Variants in BTBD10 observed in about 807,000 individuals in gnomAD.
BTBD10 encodes BTB/POZ domain-containing protein 10.
In BTBD10, 21 loss-of-function variants were observed where a neutral mutation model predicts 53.2. The observed-to-expected ratio is 0.39, with a 90% CI of 0.28 to 0.57. The LOEUF is 0.57. BTBD10 is among the 20% of genes least tolerant of loss of function. BTBD10 has a pLI of 0.53. For missense variants in BTBD10, 360 were observed against 594.7 expected, an observed-to-expected ratio of 0.61 and a Z score of 4.10; for synonymous variants, 149 against 192.7, an observed-to-expected ratio of 0.77 and a Z score of 1.88.
Position 13,463,186 on chromosome 11 carries a change from C to G in BTBD10, c.-152G>C, listed in dbSNP as rs1363267739. 1.4e-5 allele frequency: 2 copies of G among 146,776 alleles called. No individual in the cohort carries two copies. 9.1% of individuals were successfully genotyped at this position (146,776 alleles called of 1,614,324 possible). On this transcript the variant is annotated 5_prime_UTR_variant, in exon 1 of 9. Coordinates refer to ENST00000278174, the MANE Select transcript of BTBD10 (RefSeq NM_032320.7). ...CACTTCCTCCTCAGCCAGATCCCTCCGGAGGTGGCTGTGGAGGAAGCCACT... is the reference window on the plus strand; with the variant it reads ...CACTTCCTCCTCAGCCAGATCCCTCGGGAGGTGGCTGTGGAGGAAGCCACT...
At chr11:13,427,598 A>G (rs1158900513) in intron 2 of BTBD10, among the ~76,000 whole-genome samples, 1 of 152,176 alleles carries the variant, frequency 6.6e-6, no homozygotes, top group East Asian at 1.9e-4. Context: ...GGGATTGATG[A>G]GATTTGAATA....
At chr11:13,407,791 C>A (rs574041789) in intron 6 of BTBD10, among the ~76,000 whole-genome samples, 2 of 152,312 alleles carry the variant, frequency 1.3e-5, no homozygotes, top group African/African-American at 4.8e-5. Context: ...GGAGACAGCA[C>A]ATGACTTTGG....
At chr11:13,426,371 G>A (rs1260377625) in intron 2 of BTBD10, among the ~76,000 whole-genome samples, 3 of 151,860 alleles carry the variant, frequency 2.0e-5, no homozygotes, top group Non-Finnish European at 4.4e-5. Context: ...AGTTAAAAGG[G>A]AGTCCTTCAG....
In BTBD10 at chr11:13,396,508, T is replaced by C. The variant is rs1348331843; in HGVS notation, c.1117+6660A>G. Among the ~76,000 whole-genome samples the C allele has an allele frequency of 4.6e-5, 7 of 152,346 alleles. No individual in the cohort carries two copies. In the East Asian group the frequency reaches 1.2e-3, roughly 25 times the overall value. The stretch of plus-strand genomic sequence containing the variant: ...CAAACAGGGACAATTTGGCTTCCTC[T>C]TTTCCTAACTGAATACCCTTTATTT... On this transcript the variant is annotated intron_variant, in intron 8 of 8. Transcript: ENST00000278174.
chr11:13,460,796 GCA>G (rs1951078261), intron 1 of BTBD10, among the ~76,000 whole-genome samples: 1 of 152,198 alleles, frequency 6.6e-6, no homozygotes, highest in South Asian at 2.1e-4. Flanking sequence ...ATGTGGGATA[GCA>G]CAGCAAACAA....
chr11:13,444,897 C>T (rs1232740712), intron 2 of BTBD10, 127 bp downstream of exon 2: 1 of 543,266 alleles, frequency 1.8e-6, no homozygotes, highest in African/African-American at 1.9e-5. Context: ...GACAGATAAA[C>T]ATTCACAACG....
At chr11:13,438,599 A>C (rs1950587548) in intron 2 of BTBD10, among the ~76,000 whole-genome samples, 1 of 151,996 alleles carries the variant, frequency 6.6e-6, no homozygotes, top group Non-Finnish European at 1.5e-5. Context: ...TAGGTTACAT[A>C]ACAGCACTAC....
intron 2 of BTBD10, among the ~76,000 whole-genome samples, chr11:13,423,036 T>C (rs1950272559): frequency 6.6e-6 from 1 of 152,138 alleles, no homozygotes; most frequent in South Asian, 2.1e-4. Flanking sequence ...AGATAATAAA[T>C]GCTTTAGGAT....
rs1279060627 is a variant in BTBD10, at chr11:13,388,999, T to C, written c.1260A>G (p.Val420=). Residue 420 remains valine, a synonymous_variant, in exon 9 of 9, where the codon GTA becomes GTG. Transcript: ENST00000278174. ...CAAGATTGGTGATAGATTTACTCTT[T>C]ACACACTGAAAGTCTACATGCCGAC... The part of the protein sequence containing the change: ...GKSRHVDFQC[V]KSKSITNLAA... 1 of 1,614,148 alleles carries C rather than the reference T, an allele frequency of 6.2e-7. No homozygotes were observed. The highest frequency in any genetic ancestry group is 1.7e-5 in the Admixed American group (1 of 60,028).
chr11:13,430,451 C>A (rs1182219075), intron 2 of BTBD10, among the ~76,000 whole-genome samples: 1 of 152,126 alleles, frequency 6.6e-6, no homozygotes, highest in Non-Finnish European at 1.5e-5. Context: ...ATTTTAGAAA[C>A]TGTTTCGGAG....
At chr11:13,396,936 G>A (rs571526492) in intron 8 of BTBD10, among the ~76,000 whole-genome samples, 80 of 152,206 alleles carry the variant, frequency 5.3e-4, no homozygotes, top group Non-Finnish European at 9.1e-4. Flanking sequence ...TGCTGGATTC[G>A]GTTTGCCAGA....
rs573154710 is a variant in BTBD10 at position 13,417,349 on chromosome 11, T to C, written c.585-89A>G. 5.6e-6 allele frequency: 5 copies of C among 886,518 alleles called. No individual in the cohort carries two copies. In the East Asian group the frequency reaches 7.8e-5, roughly 14 times the overall value. The allele number at this position is 886,518 out of a possible 1,614,324, so 54.9% of individuals were successfully genotyped here. A position where few individuals can be genotyped will look rare whatever the true frequency, so the allele number is the denominator to read the frequency against. On this transcript the variant is annotated intron_variant, in intron 4 of 8. Transcript: ENST00000278174. Reference sequence around the variant, plus strand: ...TTCATGTACAAAAGAAAAAAGGAATTATATCATTAAATTTAGTTCAAGAAT... The same window carrying C: ...TTCATGTACAAAAGAAAAAAGGAATCATATCATTAAATTTAGTTCAAGAAT...
At chr11:13,411,728 C>T (rs908496247) in intron 6 of BTBD10, among the ~76,000 whole-genome samples, 1 of 152,014 alleles carries the variant, frequency 6.6e-6, no homozygotes, top group Non-Finnish European at 1.5e-5. Flanking sequence ...CTCTGCCAGT[C>T]ACCAAAATTC....
At chr11:13,422,325 C>A (rs35955764) in intron 2 of BTBD10, among the ~76,000 whole-genome samples, 1,917 of 151,810 alleles carry the variant, frequency 0.013, 14 homozygotes, top group Non-Finnish European at 0.019. Flanking sequence ...TTTCAAAACA[C>A]TATGATTTTT....
At chr11:13,458,058 T>C (rs1346551332) in intron 1 of BTBD10, among the ~76,000 whole-genome samples, 1 of 150,074 alleles carries the variant, frequency 6.7e-6, no homozygotes, top group Non-Finnish European at 1.5e-5. Flanking sequence ...TCCCAACTAC[T>C]TGGGAGGCTG....
chr11:13,396,253 AC>A (rs1265177432), intron 8 of BTBD10, among the ~76,000 whole-genome samples: 1 of 152,114 alleles, frequency 6.6e-6, no homozygotes, highest in Non-Finnish European at 1.5e-5. Context: ...GAGGTCCTTC[AC>A]ATCCCTTGTA....
chr11:13,429,112 C>G (rs868100787), intron 2 of BTBD10, among the ~76,000 whole-genome samples: 2 of 152,120 alleles, frequency 1.3e-5, no homozygotes, highest in Middle Eastern at 6.8e-3. Flanking sequence ...ATAAATATGA[C>G]AAAAGATGTG....
intron 8 of BTBD10, among the ~76,000 whole-genome samples, chr11:13,398,798 A>G (rs1315531513): frequency 1.3e-5 from 2 of 152,134 alleles, no homozygotes; most frequent in East Asian, 3.9e-4. Flanking sequence ...TCCTTCACTT[A>G]TGAAGCTTAG....
intron 8 of BTBD10, among the ~76,000 whole-genome samples, chr11:13,399,376 G>A (rs558643621): frequency 2.4e-4 from 37 of 152,190 alleles, no homozygotes; most frequent in African/African-American, 4.1e-4. Flanking sequence ...CGTAGTTCTC[G>A]TGCCGTGGCT....
Sources: allele counts gnomAD v4.1 joint callset (sites outside exome capture counted in the v4.1 genomes callset), GRCh38; gene constraint gnomAD v4.1.1; transcripts MANE v1.5; gene names NCBI Gene and HGNC (gene_info 2026-07-23, HGNC 2026-07-21).